The following SYNE1 variants were observed in gnomAD, a reference collection of about 807,000 sequenced individuals.
SYNE1 encodes the protein nesprin-1.
Under a neutral mutation model 1,111.0 loss-of-function variants are expected in SYNE1, and 616 were observed. That is an observed-to-expected ratio of 0.55 (90% confidence interval 0.52 to 0.59). SYNE1 has a LOEUF of 0.59. Among genes scored for constraint, SYNE1 ranks in the 20% least tolerant of loss-of-function variants. The pLI, the probability that SYNE1 is intolerant of heterozygous loss-of-function variation, is 0.00. For synonymous variants in SYNE1, 3,855 were observed against 3,825.8 expected (o/e 1.01, Z -0.28); for missense variants, 10,006 against 10,417.0 (o/e 0.96, Z 1.72).
intron 18 of SYNE1, 123 bp downstream of exon 18, chr6:152,465,135 G>A: frequency 8.9e-7 from 1 of 1,121,732 alleles, no homozygotes; most frequent in Non-Finnish European, 1.3e-6. Context: ...AACTTTTCAG[G>A]CAAAGTCAAG....
At chr6:152,219,494 A>G (rs938422271) in intron 119 of SYNE1, among the ~76,000 whole-genome samples, 3 of 21,118 alleles carry the variant, frequency 1.4e-4, no homozygotes, top group Non-Finnish European at 2.5e-4. Context: ...CATAAACAAG[A>G]AAAAAAAAAA....
intron 111 of SYNE1, among the ~76,000 whole-genome samples, chr6:152,234,307 T>C (rs1003923805): frequency 9.9e-5 from 3 of 30,336 alleles, no homozygotes; most frequent in African/African-American, 5.1e-4. Flanking sequence ...TCTTTTTTTC[T>C]TTTTAGATGG....
In SYNE1 at chr6:152,416,500, C is replaced by A. The variant is rs1163483173; in HGVS notation, c.5937G>T (p.Leu1979Phe). 6.2e-7 allele frequency: 1 copy of A among 1,613,996 alleles called. No individual in the cohort carries two copies. Among genetic ancestry groups the A allele is most frequent in the South Asian group, 1.1e-5 (1 of 91,080 alleles). The change falls in exon 41 of 146, where the codon TTG becomes TTT. Residue 1979 changes from leucine (L) to phenylalanine (F), a missense_variant. Coordinates refer to ENST00000367255, the MANE Select transcript of SYNE1 (RefSeq NM_182961.4). ...CTTTCTGGTCTTGGAATGCTTTTTT[C>A]AACACTGCCAGAGCATCTGCCTCAC... is the stretch of plus-strand genomic sequence containing the variant. ...KQSEADALAV[L>F]KKAFQDQKEE...
At chr6:152,355,900 A>T (rs760588670) in intron 66 of SYNE1, among the ~76,000 whole-genome samples, 2 of 152,230 alleles carry the variant, frequency 1.3e-5, no homozygotes, top group Non-Finnish European at 2.9e-5. Flanking sequence ...CATGGTTTCA[A>T]CTAATAGAAA....
rs368828206 is a variant in SYNE1 at position 152,353,427 on chromosome 6, T to C, written c.11089A>G (p.Ile3697Val). ...TGAATCTCCTCCTCCAGGAATTTTA[T>C]TTGTTCCTATGAAAGAAAAGAGAAA... is the stretch of plus-strand genomic sequence containing the variant. ...QALLLQVLEQ[I>V]KFLEEEIQSL... Residue 3697 changes from isoleucine to valine, a missense_variant, in exon 69 of 146, where the codon ATA becomes GTA. Around this residue, in one of 7 missense-constraint regions of SYNE1, gnomAD observed 4,955 missense variants for 5,017.2 expected, o/e 0.99. Coordinates refer to ENST00000367255, the MANE Select transcript of SYNE1 (RefSeq NM_182961.4). 1.9e-5 allele frequency: 31 copies of C among 1,614,200 alleles called. No homozygotes were observed. In the East Asian group the frequency reaches 5.1e-4, roughly 27 times the overall value.
Position 152,278,287 on chromosome 6 carries a change from C to T in SYNE1, c.18382-7G>A, listed in dbSNP as rs1398823253. 6.2e-7 allele frequency: 1 copy of T among 1,613,822 alleles called. No homozygotes were observed. The highest frequency in any genetic ancestry group is 8.5e-7 in the Non-Finnish European group (1 of 1,180,016). On this transcript the variant is annotated splice_polypyrimidine_tract_variant and splice_region_variant and intron_variant, in intron 97 of 145. Coordinates refer to ENST00000367255, the MANE Select transcript of SYNE1 (RefSeq NM_182961.4). ...CTATTTCCACCAGCATATTCTGCAGCAACAGAAATAAGAATGAAACTCACA... is the reference window on the plus strand; with the variant it reads ...CTATTTCCACCAGCATATTCTGCAGTAACAGAAATAAGAATGAAACTCACA...
chr6:152,340,815 C>T lies in SYNE1; in HGVS notation c.12226-1449G>A, dbSNP rs553525257. Among the ~76,000 whole-genome samples, 6 of 152,228 alleles carry T rather than the reference C, an allele frequency of 3.9e-5. No individual in the cohort carries two copies. In the South Asian group the frequency reaches 1.2e-3, roughly 32 times the overall value. On this transcript the variant is annotated intron_variant, in intron 74 of 145. Coordinates refer to ENST00000367255, the MANE Select transcript of SYNE1 (RefSeq NM_182961.4). ...GAACATCACGTGGAGAACGGCTTGCCACAGGGGTGGCAGGCAGCTATGGTG... is the reference window on the plus strand; with the variant it reads ...GAACATCACGTGGAGAACGGCTTGCTACAGGGGTGGCAGGCAGCTATGGTG...
intron 3 of SYNE1, among the ~76,000 whole-genome samples, chr6:152,563,280 T>C (rs934402819): frequency 6.6e-6 from 1 of 152,150 alleles, no homozygotes; most frequent in Non-Finnish European, 1.5e-5. Context: ...ATTCTCCTGA[T>C]ATTATCACTA....
chr6:152,508,691 T>G (rs2099070351), intron 8 of SYNE1, among the ~76,000 whole-genome samples: 1 of 152,156 alleles, frequency 6.6e-6, no homozygotes, highest in Admixed American at 6.5e-5. Flanking sequence ...GTAAGAGAGA[T>G]TAGTAATGCC....
chr6:152,411,638 A>G (rs2098045388), intron 42 of SYNE1, among the ~76,000 whole-genome samples: 1 of 152,158 alleles, frequency 6.6e-6, no homozygotes, highest in Non-Finnish European at 1.5e-5. Flanking sequence ...ACAAATTAAA[A>G]ACAAAATGTG....
chr6:152,148,420 G>C lies in SYNE1; in HGVS notation c.24643-42C>G. On this transcript the variant is annotated intron_variant, in intron 136 of 145. Coordinates refer to ENST00000367255, the MANE Select transcript of SYNE1 (RefSeq NM_182961.4). This position sits in a 1 kb window ranked among gnomAD's most constrained non-coding sequence, Gnocchi z 4.1. ...GGCAACCCTGTCACTGTAGTGGTCA[G>C]ACTAGCTTCTTATCTGGGCCACCTG... The C allele has an allele frequency of 6.3e-7, 1 of 1,591,506 alleles. No individual in the cohort carries two copies. Among genetic ancestry groups the C allele is most frequent in the Non-Finnish European group, 8.6e-7 (1 of 1,167,574 alleles).
intron 145 of SYNE1, among the ~76,000 whole-genome samples, chr6:152,123,022 T>C (rs565665241): frequency 1.3e-5 from 2 of 152,246 alleles, no homozygotes; most frequent in African/African-American, 4.8e-5. Context: ...TCCAGAATAA[T>C]TAAAATGTAG....
chr6:152,529,945 T>A (rs117235343), intron 4 of SYNE1, among the ~76,000 whole-genome samples: 1 of 151,954 alleles, frequency 6.6e-6, no homozygotes, highest in African/African-American at 2.4e-5. Context: ...TTAACCCAAA[T>A]CACATTATTA....
rs147021971 is a variant in SYNE1 at position 152,354,749 on chromosome 6, T to C, written c.10836A>G (p.Glu3612=). The C allele has an allele frequency of 9.9e-6, 16 of 1,614,126 alleles. No individual in the cohort carries two copies. Among genetic ancestry groups the C allele is most frequent in the Non-Finnish European group, 1.4e-5 (16 of 1,180,062 alleles). Residue 3612 remains glutamate (E), a synonymous_variant, in exon 67 of 146, where the codon GAA becomes GAG. Transcript: ENST00000367255. The stretch of plus-strand genomic sequence containing the variant: ...CTTTCTCCTCTGCTGTTTTGAGCCA[T>C]TCATCTACTTGCTGAAACTTTTGCT... ...LMEQKFQQVD[E]WLKTAEEKVS...
chr6:152,505,500 A>G, intron 8 of SYNE1, 103 bp from the exon 9 acceptor site: 6 of 1,240,318 alleles, frequency 4.8e-6, no homozygotes, highest in Non-Finnish European at 6.9e-6. Context: ...AACGATATGC[A>G]GAGAGCTGTA....
In SYNE1 at chr6:152,390,432, A is replaced by C. The variant is rs751684225; in HGVS notation, c.8025T>G (p.Gly2675=). Residue 2675 remains glycine (G), a synonymous_variant, in exon 53 of 146, where the codon GGT becomes GGG. Transcript: ENST00000367255. ...SQIQDILLMK[G]EGEVKLNMAI... ...CCATATTCAACTTAACTTCCCCTTCACCTTTCATCAGGAGAATATCCTGGG... is the reference window on the plus strand; with the variant it reads ...CCATATTCAACTTAACTTCCCCTTCCCCTTTCATCAGGAGAATATCCTGGG... 27 of 1,613,646 alleles carry C rather than the reference A, an allele frequency of 1.7e-5. 1 individual carries two copies. The highest frequency in any genetic ancestry group is 2.0e-5 in the Non-Finnish European group (24 of 1,179,942).
intron 93 of SYNE1, among the ~76,000 whole-genome samples, chr6:152,294,467 A>G (rs574305525): frequency 6.6e-6 from 1 of 152,234 alleles, no homozygotes; most frequent in African/African-American, 2.4e-5. Flanking sequence ...ATAGCAAAAA[A>G]AGAGAATCTT....
chr6:152,274,465 T>C (rs1321330863), intron 98 of SYNE1, among the ~76,000 whole-genome samples: 1 of 152,194 alleles, frequency 6.6e-6, no homozygotes, highest in Non-Finnish European at 1.5e-5. Context: ...TCTTTTGTTT[T>C]ATTTTGTGTT....
At chr6:152,155,301 A>C (rs888483245) in intron 132 of SYNE1, 8 of 460,496 alleles carry the variant, frequency 1.7e-5, no homozygotes, top group African/African-American at 9.9e-5. Context: ...AATTACAAGC[A>C]CATCACACGA....
Sources: gnomAD v4.1 joint callset for allele counts (sites outside exome capture counted in the v4.1 genomes callset) on GRCh38, gnomAD v4.1.1 for gene constraint, gnomAD v4.1.1 regional missense constraint, Gnocchi (gnomAD v3.1) non-coding constraint, MANE v1.5 for transcripts, NCBI Gene and HGNC (gene_info 2026-07-23, HGNC 2026-07-21) for gene names.